Variants in SLC2A11 observed in about 807,000 individuals in gnomAD.
SLC2A11 encodes the protein solute carrier family 2, facilitated glucose transporter member 11.
Under a neutral mutation model 52.1 loss-of-function variants are expected in SLC2A11, and 43 were observed. The ratio of observed to expected loss-of-function variants is 0.82; its 90% CI spans 0.65 to 1.06. The LOEUF (loss-of-function observed/expected upper bound fraction) is 1.06, where lower values mean the gene tolerates loss of function less well. SLC2A11 is among the 50% of genes least tolerant of loss of function. SLC2A11 has a pLI of 0.00. For missense variants in SLC2A11, 582 were observed against 654.2 expected, an observed-to-expected ratio of 0.89 and a Z score of 1.20; for synonymous variants, 261 against 277.6, an observed-to-expected ratio of 0.94 and a Z score of 0.59.
In SLC2A11 at chr22:23,858,909, C is replaced by T. The variant is rs571584997; in HGVS notation, c.30+880C>T. 8.3e-4 allele frequency among the ~76,000 whole-genome samples: 127 copies of T among 152,280 alleles called. 1 individual carries two copies. The highest frequency in any genetic ancestry group is 1.6e-3 in the Non-Finnish European group (109 of 68,032). On this transcript the variant is annotated intron_variant, in intron 1 of 11. Transcript: ENST00000316185. ...TGTTGTTCACTGCTGTATCCCAACACCTAGAACAGTAGGATTATTGACCAT... is the reference window on the plus strand; with the variant it reads ...TGTTGTTCACTGCTGTATCCCAACATCTAGAACAGTAGGATTATTGACCAT...
chr22:23,871,351 T>C (rs1022770040), intron 3 of SLC2A11: 5 of 142,036 alleles, frequency 3.5e-5, no homozygotes, highest in African/African-American at 1.3e-4. Context: ...GAGGTTGCAG[T>C]GAGCCAAGAT....
chr22:23,865,711 C>T (rs1346177241), intron 2 of SLC2A11: 1 of 152,252 alleles, frequency 6.6e-6, no homozygotes, highest in Admixed American at 6.5e-5. Context: ...GGTAACTAGA[C>T]ATCATGGAGG....
upstream of SLC2A11, chr22:23,857,229 C>T: frequency 1.4e-6 from 1 of 728,304 alleles, no homozygotes; most frequent in South Asian, 1.8e-5. Flanking sequence ...GAGGTCAGAC[C>T]AGCGAGAGAC....
At chr22:23,860,059 T>C (rs1193719392) in intron 1 of SLC2A11, among the ~76,000 whole-genome samples, 1 of 151,942 alleles carries the variant, frequency 6.6e-6, no homozygotes, top group Non-Finnish European at 1.5e-5. Context: ...TTTGGAGGAG[T>C]GGAGAACTTT....
At chr22:23,873,734 A>T (rs570783363) in intron 3 of SLC2A11, among the ~76,000 whole-genome samples, 2 of 152,216 alleles carry the variant, frequency 1.3e-5, no homozygotes, top group African/African-American at 2.4e-5. Flanking sequence ...TGAAGTACTT[A>T]ATTATTATTA....
chr22:23,875,041 CA>C, intron 3 of SLC2A11, 75 bp from the exon 4 acceptor site: 1 of 1,397,142 alleles, frequency 7.2e-7, no homozygotes. Flanking sequence ...GTTACAGTTG[CA>C]AAGAGTGGTC....
chr22:23,863,228 C>T (rs1248045425), intron 2 of SLC2A11, among the ~76,000 whole-genome samples: 2 of 152,144 alleles, frequency 1.3e-5, no homozygotes, highest in South Asian at 2.1e-4. Flanking sequence ...CCCCAGATAC[C>T]ACCACCTTCT....
intron 2 of SLC2A11, among the ~76,000 whole-genome samples, chr22:23,864,712 C>T (rs1043194053): frequency 1.9e-4 from 29 of 152,348 alleles, no homozygotes; most frequent in South Asian, 4.1e-4. Flanking sequence ...ACTCTCAGAC[C>T]TTACCTCCCA....
Position 23,870,299 on chromosome 22 carries a change from G to C in SLC2A11, c.290+1658G>C, listed in dbSNP as rs368340222. The C allele has an allele frequency of 6.6e-4, 322 of 491,510 alleles. 2 individuals are homozygous for C. The highest frequency in any genetic ancestry group is 5.9e-3 in the East Asian group (162 of 27,502). 30.4% of individuals were successfully genotyped at this position (491,510 alleles called of 1,614,324 possible). A position where few individuals can be genotyped will look rare whatever the true frequency, so the allele number is the denominator to read the frequency against. ...TTCAAGTTTAGCATGTATGCCTATT[G>C]TAATTAAAGCAAATGTCTGTTCCCC... On this transcript the variant is annotated intron_variant, in intron 3 of 11. Coordinates refer to ENST00000316185, the MANE Select transcript of SLC2A11 (RefSeq NM_001024939.4).
chr22:23,857,274 C>A, upstream of SLC2A11: 2 of 784,672 alleles, frequency 2.5e-6, no homozygotes, highest in Non-Finnish European at 4.2e-6. Flanking sequence ...GAGACTGTAG[C>A]AAAGGAGGGG....
intron 3 of SLC2A11, 56 bp downstream of exon 3, chr22:23,868,697 G>A: frequency 8.2e-6 from 13 of 1,591,038 alleles, no homozygotes; most frequent in Non-Finnish European, 1.1e-5. Context: ...GCTGCAGCCT[G>A]CAGGCTGAGG....
upstream of SLC2A11, chr22:23,857,233 G>C: frequency 1.4e-6 from 1 of 725,362 alleles, no homozygotes; most frequent in Non-Finnish European, 2.3e-6. Context: ...TCAGACCAGC[G>C]AGAGACAGAG....
intron 2 of SLC2A11, among the ~76,000 whole-genome samples, chr22:23,862,976 G>A (rs867927524): frequency 2.0e-5 from 3 of 152,120 alleles, no homozygotes; most frequent in African/African-American, 7.2e-5. Context: ...CGTGTTCAGC[G>A]GTGAAGCCTT....
intron 4 of SLC2A11, among the ~76,000 whole-genome samples, chr22:23,876,709 C>A (rs981305892): frequency 6.6e-6 from 1 of 152,020 alleles, no homozygotes; most frequent in Admixed American, 6.5e-5. Context: ...CCCACCCCCC[C>A]GCACAGCCCC....
Position 23,882,653 on chromosome 22 carries a change from CCCCTGCCCCGCCGCACA to C in SLC2A11, c.882+13_882+29del, listed in dbSNP as rs2032862247. The C allele has an allele frequency of 6.2e-7, 1 of 1,609,354 alleles. No homozygotes were observed. The highest frequency in any genetic ancestry group is 1.7e-5 in the Admixed American group (1 of 59,718). ...GCTCTGCGGGAATGACTCGGTGAGA[CCCCTGCCCCGCCGCACA>C]CCCTGGGCCCCGGGGGCTTGGTGTT... On this transcript the variant is annotated splice_region_variant and intron_variant, in intron 7 of 11. Transcript: ENST00000316185.
intron 3 of SLC2A11, among the ~76,000 whole-genome samples, chr22:23,874,512 C>T (rs896078271): frequency 2.6e-5 from 4 of 151,122 alleles, no homozygotes; most frequent in East Asian, 3.9e-4. Context: ...AGTGCAATGG[C>T]GCAATCTTGG....
rs1419597925 is a variant in SLC2A11, at chr22:23,884,144, A to T, written c.1171+120A>T. The T allele has an allele frequency of 6.7e-7, 1 of 1,494,554 alleles. No individual in the cohort carries two copies. Among genetic ancestry groups the T allele is most frequent in the Non-Finnish European group, 9.0e-7 (1 of 1,115,474 alleles). The allele number at this position is 1,494,554 out of a possible 1,614,324, so 92.6% of individuals were successfully genotyped here. A position where few individuals can be genotyped will look rare whatever the true frequency, so the allele number is the denominator to read the frequency against. On this transcript the variant is annotated intron_variant, in intron 10 of 11. Coordinates refer to ENST00000316185, the MANE Select transcript of SLC2A11 (RefSeq NM_001024939.4). The surrounding 1 kb of genome is among the most constrained non-coding windows in gnomAD (Gnocchi z 4.3). ...CCTGCAGGCCCTCAGAGACCACCTC[A>T]TGCCGGGGCTTCTGGGAGGGAATGG...
At chr22:23,873,632 G>A (rs1184324230) in intron 3 of SLC2A11, among the ~76,000 whole-genome samples, 1 of 152,076 alleles carries the variant, frequency 6.6e-6, no homozygotes, top group South Asian at 2.1e-4. Flanking sequence ...AAGGCAGATC[G>A]GAGGAGGTAT....
chr22:23,858,485 G>A (rs1909792557), intron 1 of SLC2A11, among the ~76,000 whole-genome samples: 2 of 152,168 alleles, frequency 1.3e-5, no homozygotes. Flanking sequence ...CCGCTTCTAG[G>A]GGTTCCTTCC....
Sources: allele counts gnomAD v4.1 joint callset (sites outside exome capture counted in the v4.1 genomes callset), GRCh38; gene constraint gnomAD v4.1.1; non-coding constraint Gnocchi (gnomAD v3.1); transcripts MANE v1.5; gene names NCBI Gene and HGNC (gene_info 2026-07-23, HGNC 2026-07-21).